The following VMP1 variants were observed in gnomAD, a reference collection of about 807,000 sequenced individuals.
The protein encoded by VMP1 is vacuole membrane protein 1.
Under a neutral mutation model 56.0 loss-of-function variants are expected in VMP1, and 11 were observed. The ratio of observed to expected loss-of-function variants is 0.20; its 90% CI spans 0.12 to 0.32. The LOEUF (loss-of-function observed/expected upper bound fraction) is 0.32, where lower values mean the gene tolerates loss of function less well. Among genes scored for constraint, VMP1 ranks in the 10% least tolerant of loss-of-function variants. VMP1 has a pLI of 1.00. For missense variants in VMP1, 296 were observed against 490.3 expected, an observed-to-expected ratio of 0.60 and a Z score of 3.74; for synonymous variants, 149 against 165.0, an observed-to-expected ratio of 0.90 and a Z score of 0.74.
At chr17:59,747,413 C>CTTTCT (rs1555615727) in intron 5 of VMP1, among the ~76,000 whole-genome samples, 8 of 137,152 alleles carry the variant, frequency 5.8e-5, no homozygotes, top group African/African-American at 1.6e-4. Flanking sequence ...TTCTTTCTTT[C>CTTTCT]TTTTTTTTTT....
At chr17:59,709,635 T>TA (rs1295937408) in intron 1 of VMP1, among the ~76,000 whole-genome samples, 1 of 152,242 alleles carries the variant, frequency 6.6e-6, no homozygotes, top group Non-Finnish European at 1.5e-5. Context: ...TATTATCACA[T>TA]ACTTTTCTGA....
intron 5 of VMP1, among the ~76,000 whole-genome samples, chr17:59,762,740 C>CT (rs1395315075): frequency 1.3e-5 from 2 of 152,054 alleles, no homozygotes; most frequent in African/African-American, 4.8e-5. Context: ...GAACAGACTT[C>CT]TTTAGAAGAA....
chr17:59,788,265 G>A (rs919432834), intron 7 of VMP1, among the ~76,000 whole-genome samples: 8 of 151,968 alleles, frequency 5.3e-5, no homozygotes, highest in Non-Finnish European at 8.8e-5. Flanking sequence ...GAGGGGGACG[G>A]ATCACAAAGT....
At chr17:59,720,116 T>A (rs1416566357) in intron 1 of VMP1, among the ~76,000 whole-genome samples, 1 of 152,214 alleles carries the variant, frequency 6.6e-6, no homozygotes, top group African/African-American at 2.4e-5. Context: ...GAATATGTGT[T>A]AGATTTCTGT....
chr17:59,815,698 T>A (rs2144247275), intron 9 of VMP1, among the ~76,000 whole-genome samples: 1 of 149,396 alleles, frequency 6.7e-6, no homozygotes, highest in South Asian at 2.1e-4. Context: ...CTAAAAAAAA[T>A]ACAAAAAAAT....
intron 5 of VMP1, among the ~76,000 whole-genome samples, chr17:59,759,614 A>AT (rs1008952076): frequency 7.9e-5 from 12 of 151,908 alleles, no homozygotes; most frequent in Non-Finnish European, 1.5e-4. Context: ...TTTTTTATGG[A>AT]TTTTTTAAAT....
intron 10 of VMP1, among the ~76,000 whole-genome samples, chr17:59,819,372 G>A (rs191357948): frequency 2.0e-4 from 30 of 152,152 alleles, no homozygotes; most frequent in African/African-American, 7.2e-4. Flanking sequence ...CAAACTCCTG[G>A]TTTCAAGTAG....
chr17:59,839,752 G>C lies in VMP1; in HGVS notation c.1078-16G>C. ...GAAGCCTTTTTCATTGCATTGTTCT[G>C]CATTTATTTCTACAGGGAGAAAACT... On this transcript the variant is annotated splice_polypyrimidine_tract_variant and intron_variant, in intron 11 of 11. Coordinates refer to ENST00000262291, the MANE Select transcript of VMP1 (RefSeq NM_030938.5). The C allele has an allele frequency of 6.2e-7, 1 of 1,605,074 alleles. No homozygotes were observed. The highest frequency in any genetic ancestry group is 8.5e-7 in the Non-Finnish European group (1 of 1,177,784).
At chr17:59,718,584 A>G (rs1035106226) in intron 1 of VMP1, among the ~76,000 whole-genome samples, 74 of 151,840 alleles carry the variant, frequency 4.9e-4, no homozygotes, top group African/African-American at 1.6e-3. Flanking sequence ...GCTCACTGCA[A>G]CCTCAAGCTC....
At chr17:59,737,643 C>T (rs1713146415) in intron 4 of VMP1, 100 bp downstream of exon 4, 1 of 989,468 alleles carries the variant, frequency 1.0e-6, no homozygotes, top group Non-Finnish European at 1.5e-6. Context: ...AATTTCTACC[C>T]TCAACATTAT....
chr17:59,746,395 C>T (rs2035425126), intron 5 of VMP1, among the ~76,000 whole-genome samples: 1 of 152,220 alleles, frequency 6.6e-6, no homozygotes, highest in African/African-American at 2.4e-5. Context: ...TGGTCTTGAA[C>T]TCCTGGCCTC....
intron 1 of VMP1, among the ~76,000 whole-genome samples, chr17:59,723,591 G>T (rs2034479800): frequency 6.6e-6 from 1 of 152,164 alleles, no homozygotes; most frequent in South Asian, 2.1e-4. Flanking sequence ...GCAGAAATTT[G>T]ATGATGAGTA....
intron 3 of VMP1, 66 bp from the exon 4 acceptor site, chr17:59,737,387 G>C: frequency 6.6e-7 from 1 of 1,508,028 alleles, no homozygotes; most frequent in Non-Finnish European, 9.0e-7. Context: ...GCAAGAAATT[G>C]TTCTGAGAAT....
chr17:59,824,466 G>A lies in VMP1; in HGVS notation c.974+6693G>A, dbSNP rs573100342. Among the ~76,000 whole-genome samples the A allele has an allele frequency of 8.7e-5, 13 of 149,282 alleles. No individual in the cohort carries two copies. The South Asian group carries it at 2.1e-3, about 24-fold the overall frequency. On this transcript the variant is annotated intron_variant, in intron 10 of 11. Transcript: ENST00000262291. ...TGGGCGTCTATAATCCCAGCTACTC[G>A]GGAGGCTGAGACAGGAGAATCACTT...
At chr17:59,806,323 G>C (rs2037840573) in intron 7 of VMP1, among the ~76,000 whole-genome samples, 2 of 152,040 alleles carry the variant, frequency 1.3e-5, no homozygotes, top group Non-Finnish European at 2.9e-5. Context: ...ATAAAACTCA[G>C]TATTTCACAT....
chr17:59,842,094 T>G lies in VMP1; in HGVS notation c.*2183T>G, dbSNP rs1044327. 19,720 of 152,134 alleles carry G rather than the reference T, an allele frequency of 0.13. 1,527 individuals are homozygous for G. Among genetic ancestry groups the G allele is most frequent in the Middle Eastern group, 0.21 (62 of 290 alleles). The allele number at this position is 152,134 out of a possible 1,614,324, so 9.4% of individuals were successfully genotyped here. ...CCTTCTTTTTCAGCTGTTCGTGCCT[T>G]CCTTTCTTGTATCCACCAAAGTGGA... On this transcript the variant is annotated 3_prime_UTR_variant, in exon 12 of 12. Coordinates refer to ENST00000262291, the MANE Select transcript of VMP1 (RefSeq NM_030938.5).
At chr17:59,746,569 A>T (rs1442413628) in intron 5 of VMP1, among the ~76,000 whole-genome samples, 2 of 152,240 alleles carry the variant, frequency 1.3e-5, no homozygotes, top group African/African-American at 4.8e-5. Context: ...GTTACTGTTT[A>T]TTTGATCATT....
At chr17:59,824,528 G>A (rs1316715196) in intron 10 of VMP1, among the ~76,000 whole-genome samples, 11 of 149,038 alleles carry the variant, frequency 7.4e-5, no homozygotes, top group South Asian at 6.3e-4. Context: ...AGCCAAGATC[G>A]TGCCAGTGCA....
At chr17:59,716,207 C>T (rs979590195) in intron 1 of VMP1, among the ~76,000 whole-genome samples, 3 of 152,210 alleles carry the variant, frequency 2.0e-5, no homozygotes, top group African/African-American at 7.2e-5. Flanking sequence ...AGTCCAAATT[C>T]GGTAGTTCTT....
Sources: allele counts gnomAD v4.1 joint callset (sites outside exome capture counted in the v4.1 genomes callset), GRCh38; gene constraint gnomAD v4.1.1; transcripts MANE v1.5; gene names NCBI Gene and HGNC (gene_info 2026-07-23, HGNC 2026-07-21).